AP5Z1: variants seen among roughly 807,000 people sequenced by gnomAD.
AP5Z1 encodes adaptor related protein complex 5 subunit zeta 1.
AP5Z1 carries 106 observed loss-of-function variants against 83.0 expected under a neutral mutation model. The observed-to-expected ratio is 1.28, with a 90% CI of 1.09 to 1.50. The LOEUF is 1.50. AP5Z1 is among the 40% of genes most tolerant of loss of function. AP5Z1 has a pLI of 0.00. For synonymous variants in AP5Z1, 751 were observed against 514.1 expected (o/e 1.46, Z -6.23); for missense variants, 1,565 against 1,094.2 (o/e 1.43, Z -6.07).
chr7:4,782,219 A>T (rs1255958604), intron 3 of AP5Z1, among the ~76,000 whole-genome samples: 1 of 151,846 alleles, frequency 6.6e-6, no homozygotes. Context: ...CACCCAGTTA[A>T]TGTTTGTATT....
Position 4,790,786 on chromosome 7 carries a change from C to T in AP5Z1, c.2052C>T (p.Cys684=), listed in dbSNP as rs1207102292. 3 of 1,608,752 alleles carry T rather than the reference C, an allele frequency of 1.9e-6. 1 individual carries two copies. Among genetic ancestry groups the T allele is most frequent in the Middle Eastern group, 3.3e-4 (2 of 6,060 alleles). The change falls in exon 16 of 17, where the codon TGC becomes TGT. Residue 684 remains cysteine (C), a synonymous_variant. Coordinates refer to ENST00000649063, the MANE Select transcript of AP5Z1 (RefSeq NM_014855.3). The part of the protein sequence containing the change: ...LEALLFEVTQ[C]RPSAALPRCP... Reference sequence around the variant, plus strand: ...CTCTGCTATTCGAGGTCACCCAGTGCCGCCCCTCTGCTGCCCTGCCCAGGT... The same window carrying T: ...CTCTGCTATTCGAGGTCACCCAGTGTCGCCCCTCTGCTGCCCTGCCCAGGT...
chr7:4,789,956 A>AGCCCTGGGCGGGTGC, intron 14 of AP5Z1, 27 bp downstream of exon 14: 1 of 1,496,084 alleles, frequency 6.7e-7, no homozygotes, highest in Non-Finnish European at 9.0e-7. Flanking sequence ...CTCCTGCCAC[A>AGCCCTGGGCGGGTGC]GCCCTGGGCG....
rs191896806 is a variant in AP5Z1 at position 4,788,763 on chromosome 7, G to A, written c.1596-77G>A. On this transcript the variant is annotated intron_variant, in intron 12 of 16. Transcript: ENST00000649063. ...AGCGGGCTCAGCTGTGCGAGAGGGA[G>A]CAGTGGCGACGTGGCCCCGGCCTGC... 3.6e-3 allele frequency: 4,601 copies of A among 1,269,658 alleles called. 9 individuals are homozygous for A. The highest frequency in any genetic ancestry group is 6.9e-3 in the Admixed American group (286 of 41,662). The allele number at this position is 1,269,658 out of a possible 1,614,324, so 78.6% of individuals were successfully genotyped here.
At chr7:4,777,664 C>T (rs901005873) in intron 1 of AP5Z1, among the ~76,000 whole-genome samples, 3 of 152,184 alleles carry the variant, frequency 2.0e-5, no homozygotes, top group African/African-American at 7.2e-5. Flanking sequence ...GCCGGGATTA[C>T]AGGTGTGAGC....
At chr7:4,790,025 C>A in intron 14 of AP5Z1, 96 bp downstream of exon 14, 3 of 1,059,614 alleles carry the variant, frequency 2.8e-6, no homozygotes, top group Non-Finnish European at 3.9e-6. Flanking sequence ...GGCTTCGGCA[C>A]CACCCCTAGC....
intron 10 of AP5Z1, 102 bp downstream of exon 10, chr7:4,786,530 A>G: frequency 7.3e-7 from 1 of 1,378,132 alleles, no homozygotes; most frequent in South Asian, 1.3e-5. Flanking sequence ...GGCTGAGCAT[A>G]GAGCCCTGTG....
In AP5Z1 at chr7:4,786,233, G is replaced by A. The variant is rs377476059; in HGVS notation, c.1133-17G>A. The A allele has an allele frequency of 6.0e-5, 95 of 1,585,804 alleles. No individual in the cohort carries two copies. The highest frequency in any genetic ancestry group is 3.5e-4 in the Middle Eastern group (2 of 5,726). On this transcript the variant is annotated splice_polypyrimidine_tract_variant and intron_variant, in intron 9 of 16. Transcript: ENST00000649063. ...GCGAGGTCAAGACGTGTGCCCTGGC[G>A]GGCCCTGGTCTTGCAGGGGAAGCGG...
intron 12 of AP5Z1, 100 bp from the exon 13 acceptor site, chr7:4,788,740 C>G: frequency 9.6e-7 from 1 of 1,044,646 alleles, no homozygotes; most frequent in South Asian, 1.7e-5. Context: ...AGGATGGGAG[C>G]GGGCTCAGCT....
At chr7:4,790,336 A>G (rs749292853) in intron 14 of AP5Z1, 123 bp from the exon 15 acceptor site, 29 of 1,557,044 alleles carry the variant, frequency 1.9e-5, no homozygotes, top group African/African-American at 1.1e-4. Flanking sequence ...GTGTTCCTCT[A>G]TCGGAGGGTG....
At chr7:4,790,297 A>T in intron 14 of AP5Z1, 162 bp from the exon 15 acceptor site, 2 of 1,545,888 alleles carry the variant, frequency 1.3e-6, no homozygotes, top group Middle Eastern at 3.3e-4. Flanking sequence ...CCCCAGTGAG[A>T]ACAGTTTCTC....
At chr7:4,785,829 A>G (rs1375586123) in intron 9 of AP5Z1, 145 bp downstream of exon 9, 1 of 1,186,906 alleles carries the variant, frequency 8.4e-7, no homozygotes, top group Non-Finnish European at 1.1e-6. Context: ...CTGGTCTGGA[A>G]CTCGTGGCCT....
rs1326819440 is a variant in AP5Z1 at position 4,781,210 on chromosome 7, C to T, written c.77C>T (p.Ser26Phe). 10 of 1,613,838 alleles carry T rather than the reference C, an allele frequency of 6.2e-6. No homozygotes were observed. In the East Asian group the frequency reaches 2.0e-4, roughly 32 times the overall value. Residue 26 changes from serine to phenylalanine, a missense_variant, in exon 2 of 17, where the codon TCC (serine) becomes TTC (phenylalanine). Physicochemically the swap from Ser to Phe is radical, Grantham distance 155. Coordinates refer to ENST00000649063, the MANE Select transcript of AP5Z1 (RefSeq NM_014855.3). ...IQDEELKKFC[S>F]RICKLLQAED... ...GACGAGGAGCTGAAGAAGTTCTGTT[C>T]CCGGATCTGTAAACTGCTGCAGGCG...
rs964017328 is a variant in AP5Z1, at chr7:4,790,492, G to A, written c.1839G>A (p.Thr613=). 4.0e-5 allele frequency: 64 copies of A among 1,613,068 alleles called. No homozygotes were observed. Among genetic ancestry groups the A allele is most frequent in the Non-Finnish European group, 5.0e-5 (59 of 1,179,868 alleles). Residue 613 remains threonine, a synonymous_variant, in exon 15 of 17, where the codon ACG becomes ACA. Coordinates refer to ENST00000649063, the MANE Select transcript of AP5Z1 (RefSeq NM_014855.3). ...GTTCTCAGTTCCTGGCCCTGTGTAC[G>A]CTGAAACCCTCCCTGGTGGTGGAGC... The part of the protein sequence containing the change: ...VLSSQFLALC[T]LKPSLVVELA...
intron 3 of AP5Z1, among the ~76,000 whole-genome samples, chr7:4,782,229 T>G (rs1180705847): frequency 1.3e-5 from 2 of 152,068 alleles, no homozygotes; most frequent in African/African-American, 4.8e-5. Flanking sequence ...ATGTTTGTAT[T>G]TTTTTGTAGG....
rs138654444 is a variant in AP5Z1 at position 4,792,979 on chromosome 7, C to A, written c.*1594C>A. On this transcript the variant is annotated 3_prime_UTR_variant, in exon 17 of 17. Coordinates refer to ENST00000649063, the MANE Select transcript of AP5Z1 (RefSeq NM_014855.3). ...CCCCTCCTGCCCTGGGGCGGGGCTT[C>A]CCTGACCTGAAGGCGTCGGGGGTGT... is the stretch of plus-strand genomic sequence containing the variant. 0.017 allele frequency: 2,812 copies of A among 162,454 alleles called. 48 individuals carry two copies. The highest frequency in any genetic ancestry group is 0.065 in the Middle Eastern group (20 of 310). 10.1% of individuals were successfully genotyped at this position (162,454 alleles called of 1,614,324 possible). A position where few individuals can be genotyped will look rare whatever the true frequency, so the allele number is the denominator to read the frequency against.
Position 4,775,744 on chromosome 7 carries a change from T to C in AP5Z1, c.29T>C (p.Leu10Pro). Residue 10 changes from leucine (L) to proline (P), a missense_variant, in exon 1 of 17, where the codon CTC becomes CCC. Physicochemically the swap from Leu to Pro is moderately conservative, Grantham distance 98. Coordinates refer to ENST00000649063, the MANE Select transcript of AP5Z1 (RefSeq NM_014855.3). ...TTCTCGGCAGGAGCGGAGAGTTTGCTCCACCAGGCCAGGTACGGGGGAGCT... is the reference window on the plus strand; with the variant it reads ...TTCTCGGCAGGAGCGGAGAGTTTGCCCCACCAGGCCAGGTACGGGGGAGCT... Reference protein sequence around the residue: MFSAGAESLLHQAREIQDEE... With the variant: MFSAGAESLPHQAREIQDEE... 3 of 1,605,660 alleles carry C rather than the reference T, an allele frequency of 1.9e-6. No homozygotes were observed. The highest frequency in any genetic ancestry group is 1.7e-6 in the Non-Finnish European group (2 of 1,179,664).
At chr7:4,784,068 A>G in intron 5 of AP5Z1, 135 bp from the exon 6 acceptor site, 1 of 1,131,860 alleles carries the variant, frequency 8.8e-7, no homozygotes, top group African/African-American at 1.6e-5. Context: ...GTGTTTTTGC[A>G]TCACACAGGG....
intron 7 of AP5Z1, 150 bp downstream of exon 7, chr7:4,785,198 G>A: frequency 7.3e-7 from 1 of 1,365,624 alleles, no homozygotes; most frequent in Non-Finnish European, 9.8e-7. Context: ...TTTTGCTTCT[G>A]GGGTCAGCCC....
rs1221812238 is a variant in AP5Z1, at chr7:4,793,049, C to G, written c.*1664C>G. On this transcript the variant is annotated 3_prime_UTR_variant, in exon 17 of 17. Transcript: ENST00000649063. ...GCACTCGTGGGGCCACCGCCCAGGC[C>G]AGCTGGTGCTAAGTCCGCAGCCTGT... 6.6e-6 allele frequency: 1 copy of G among 152,552 alleles called. No individual in the cohort carries two copies. Among genetic ancestry groups the G allele is most frequent in the Non-Finnish European group, 1.5e-5 (1 of 68,208 alleles). The allele number at this position is 152,552 out of a possible 1,614,324, so 9.4% of individuals were successfully genotyped here.
Sources: allele counts gnomAD v4.1 joint callset (sites outside exome capture counted in the v4.1 genomes callset), GRCh38; gene constraint gnomAD v4.1.1; transcripts MANE v1.5; gene names NCBI Gene and HGNC (gene_info 2026-07-23, HGNC 2026-07-21).